PRKCH: variants seen among roughly 807,000 people sequenced by gnomAD.
PRKCH encodes protein kinase C eta type.
Under a neutral mutation model 82.5 loss-of-function variants are expected in PRKCH, and 28 were observed. The observed-to-expected ratio is 0.34, with a 90% CI of 0.25 to 0.47. The LOEUF is 0.47. PRKCH is among the 20% of genes least tolerant of loss of function. The pLI is 1.00. For missense variants in PRKCH, 705 were observed against 881.8 expected (o/e 0.80, Z 2.54); for synonymous variants, 322 against 327.4 (o/e 0.98, Z 0.18).
At chr14:61,474,287 T>C (rs1201149521) in intron 9 of PRKCH, among the ~76,000 whole-genome samples, 2 of 152,226 alleles carry the variant, frequency 1.3e-5, no homozygotes, top group African/African-American at 2.4e-5. Context: ...GAAGCTTGCC[T>C]TCAAAGTTAA....
rs561673382 is a variant in PRKCH at position 61,270,222 on chromosome 14, C to T, written c.-19+82554C>T. Among the ~76,000 whole-genome samples, 5 of 152,268 alleles carry T rather than the reference C, an allele frequency of 3.3e-5. No individual in the cohort carries two copies. In the South Asian group the frequency reaches 8.3e-4, roughly 25 times the overall value. On this transcript the variant is annotated intron_variant, in intron 1 of 3. Transcript: ENST00000555185. The stretch of plus-strand genomic sequence containing the variant: ...GTGGCTCACACCTGTAATCCCAGCA[C>T]TTAGGGAGGCCAAGGCAGGAGGATC...
intron 1 of PRKCH, among the ~76,000 whole-genome samples, chr14:61,233,397 AAAG>A (rs1268633038): frequency 1.3e-5 from 2 of 151,276 alleles, no homozygotes; most frequent in Non-Finnish European, 2.9e-5. Flanking sequence ...TCTCAAAAAA[AAAG>A]AAAAAAAGAA....
intron 2 of PRKCH, among the ~76,000 whole-genome samples, chr14:61,424,128 T>C (rs546895512): frequency 1.3e-5 from 2 of 152,334 alleles, no homozygotes; most frequent in East Asian, 3.9e-4. Flanking sequence ...GAGGCCTCCC[T>C]AGCCATGTGG....
intron 2 of PRKCH, 87 bp from the exon 3 acceptor site, chr14:61,443,024 A>T: frequency 4.7e-6 from 6 of 1,284,548 alleles, no homozygotes; most frequent in Non-Finnish European, 6.4e-6. Flanking sequence ...TTGAGGAGTG[A>T]GCACTTGAAC....
intron 1 of PRKCH, among the ~76,000 whole-genome samples, chr14:61,210,273 C>A (rs1287489049): frequency 2.0e-5 from 3 of 151,304 alleles, no homozygotes; most frequent in African/African-American, 7.3e-5. Context: ...GAGATCGTGC[C>A]ACTGCACTCC....
intron 12 of PRKCH, among the ~76,000 whole-genome samples, chr14:61,531,316 A>G (rs924970383): frequency 1.3e-5 from 2 of 152,168 alleles, no homozygotes. Flanking sequence ...TTCACCTACT[A>G]TATGCAGAGG....
intron 2 of PRKCH, among the ~76,000 whole-genome samples, chr14:61,437,473 A>G (rs1448807970): frequency 6.6e-6 from 1 of 152,240 alleles, no homozygotes; most frequent in Non-Finnish European, 1.5e-5. Context: ...AAAACAAATT[A>G]TCTCAGGAAG....
chr14:61,385,077 G>C (rs2046567214), intron 1 of PRKCH, among the ~76,000 whole-genome samples: 1 of 151,998 alleles, frequency 6.6e-6, no homozygotes, highest in Non-Finnish European at 1.5e-5. Context: ...CCCAGGAGTT[G>C]TTCTTTTTAC....
chr14:61,280,539 G>A lies in PRKCH; in HGVS notation c.-19+92871G>A, dbSNP rs779365636. On this transcript the variant is annotated intron_variant, in intron 1 of 3. Coordinates refer to the PRKCH transcript ENST00000555185. The surrounding 1 kb of genome is among the most constrained non-coding windows in gnomAD (Gnocchi z 5.0). ...CCAGCGGCGGGTTGCGGAACTTGAC[G>A]TGGTAGTCGGTCCACCAGGCGATGC... The A allele has an allele frequency of 1.9e-5, 31 of 1,611,878 alleles. No homozygotes were observed. Among genetic ancestry groups the A allele is most frequent in the East Asian group, 1.1e-4 (5 of 44,844 alleles).
In PRKCH at chr14:61,280,487, G is replaced by A. The variant is rs375668709; in HGVS notation, c.-19+92819G>A. 9.4e-5 allele frequency: 152 copies of A among 1,613,016 alleles called. No homozygotes were observed. Among genetic ancestry groups the A allele is most frequent in the Non-Finnish European group, 1.1e-4 (132 of 1,179,636 alleles). The stretch of plus-strand genomic sequence containing the variant: ...CAGTTGGGCGGGGGCGCCGTGCCCT[G>A]GAAGGCCAACGCCAGGCTGCCGTTG... On this transcript the variant is annotated intron_variant, in intron 1 of 3. Transcript: ENST00000555185. This position sits in a 1 kb window ranked among gnomAD's most constrained non-coding sequence, Gnocchi z 5.0.
intron 3 of PRKCH, among the ~76,000 whole-genome samples, chr14:61,445,281 G>A (rs1269028923): frequency 1.3e-5 from 2 of 152,212 alleles, no homozygotes; most frequent in East Asian, 3.9e-4. Context: ...AGGCAGCTGC[G>A]GTAGACTCAT....
intron 1 of PRKCH, among the ~76,000 whole-genome samples, chr14:61,242,871 A>G (rs181915134): frequency 1.3e-5 from 2 of 152,330 alleles, no homozygotes; most frequent in East Asian, 3.9e-4. Context: ...TATTGTCTAA[A>G]TAATTTAACA....
At chr14:61,446,170 T>G (rs1311833999) in intron 4 of PRKCH, among the ~76,000 whole-genome samples, 1 of 149,326 alleles carries the variant, frequency 6.7e-6, no homozygotes, top group Admixed American at 6.6e-5. Flanking sequence ...AATGTTATGA[T>G]TTCAAAAAAA....
intron 10 of PRKCH, among the ~76,000 whole-genome samples, chr14:61,524,847 T>C (rs561264871): frequency 2.9e-4 from 44 of 152,322 alleles, no homozygotes; most frequent in African/African-American, 1.0e-3. Context: ...AAGAGAAGAA[T>C]TTAAATTTTG....
intron 1 of PRKCH, among the ~76,000 whole-genome samples, chr14:61,345,866 CTG>C (rs2045985251): frequency 2.8e-5 from 2 of 71,752 alleles, no homozygotes; most frequent in Admixed American, 2.4e-4. Context: ...TAGCAAGACC[CTG>C]TCTCTCTTTT....
chr14:61,333,967 A>G (rs972413647), intron 1 of PRKCH, among the ~76,000 whole-genome samples: 1 of 152,112 alleles, frequency 6.6e-6, no homozygotes, highest in African/African-American at 2.4e-5. Flanking sequence ...GTGACCCAGC[A>G]GATTTTTTGG....
intron 1 of PRKCH, among the ~76,000 whole-genome samples, chr14:61,334,141 C>T (rs564017507): frequency 1.3e-5 from 2 of 152,282 alleles, no homozygotes; most frequent in South Asian, 4.1e-4. Context: ...CCGACTCCAC[C>T]TCAGTGTGTG....
chr14:61,426,424 G>T (rs1388395319), intron 2 of PRKCH, among the ~76,000 whole-genome samples: 2 of 152,200 alleles, frequency 1.3e-5, no homozygotes, highest in Non-Finnish European at 2.9e-5. Flanking sequence ...AAAGTTTTCA[G>T]TTCACACTGA....
intron 1 of PRKCH, among the ~76,000 whole-genome samples, chr14:61,309,928 A>G (rs147737358): frequency 0.012 from 1,314 of 108,710 alleles, 24 homozygotes; most frequent in African/African-American, 0.039. Context: ...CACATCTTAC[A>G]TGGTGGCAGG....
Sources: allele counts gnomAD v4.1 joint callset (sites outside exome capture counted in the v4.1 genomes callset), GRCh38; gene constraint gnomAD v4.1.1; non-coding constraint Gnocchi (gnomAD v3.1); transcripts MANE v1.5; gene names NCBI Gene and HGNC (gene_info 2026-07-23, HGNC 2026-07-21).